The following DMXL2 variants were observed in gnomAD, a reference collection of about 807,000 sequenced individuals.
DMXL2 encodes the protein dmX-like protein 2.
DMXL2 carries 103 observed loss-of-function variants against 331.1 expected under a neutral mutation model. That is an observed-to-expected ratio of 0.31 (90% CI 0.27 to 0.37). DMXL2 has a LOEUF of 0.37. Ranked by LOEUF, DMXL2 falls within the 10% of genes least tolerant of loss-of-function variation. The probability of loss-of-function intolerance (pLI) is 1.00; values close to 1 mark genes in which losing one functional copy is unlikely to be tolerated. For synonymous variants in DMXL2, 1,281 were observed against 1,252.1 expected (o/e 1.02, Z -0.49); for missense variants, 3,171 against 3,642.9 (o/e 0.87, Z 3.33).
chr15:51,507,228 T>C lies in DMXL2; in HGVS notation c.2670A>G (p.Glu890=). The part of the protein sequence containing the change: ...SQGYRPPPFS[E]KFFLVVIEKD... Reference sequence around the variant, plus strand: ...TCTCAATTACTACTAGAAAGAACTTTTCTGAAAATGGTGGTGGGCGGTATC... The same window carrying C: ...TCTCAATTACTACTAGAAAGAACTTCTCTGAAAATGGTGGTGGGCGGTATC... The change falls in exon 16 of 44, where the codon GAA becomes GAG. Residue 890 remains glutamate, a synonymous_variant. Coordinates refer to ENST00000560891, the MANE Select transcript of DMXL2 (RefSeq NM_001378457.1). 6.2e-7 allele frequency: 1 copy of C among 1,611,096 alleles called. No individual in the cohort carries two copies. The highest frequency in any genetic ancestry group is 8.5e-7 in the Non-Finnish European group (1 of 1,178,542).
chr15:51,609,423 C>A (rs763259733), intron 1 of DMXL2, among the ~76,000 whole-genome samples: 5 of 152,206 alleles, frequency 3.3e-5, no homozygotes, highest in Non-Finnish European at 7.3e-5. Flanking sequence ...ACCCGGTCTA[C>A]AATGGACCAC....
intron 9 of DMXL2, among the ~76,000 whole-genome samples, chr15:51,539,153 T>C (rs2048449405): frequency 6.6e-6 from 1 of 150,606 alleles, no homozygotes; most frequent in African/African-American, 2.4e-5. Context: ...GAGGTTGCAA[T>C]GAGCTGAGAT....
chr15:51,471,271 T>C lies in DMXL2; in HGVS notation c.7344A>G (p.Glu2448=). ...TACTAAGTTCGGGAGGAATAAATTTTTCTTTGTAAGATGGTCTTTCTGCAG... is the reference window on the plus strand; with the variant it reads ...TACTAAGTTCGGGAGGAATAAATTTCTCTTTGTAAGATGGTCTTTCTGCAG... ...PVPAERPSYK[E]KFIPPELSMW... The change falls in exon 29 of 44, where the codon GAA becomes GAG. Residue 2448 remains glutamate (E), a synonymous_variant. Transcript: ENST00000560891. 1.2e-6 allele frequency: 2 copies of C among 1,614,100 alleles called. No homozygotes were observed. Among genetic ancestry groups the C allele is most frequent in the East Asian group, 2.2e-5 (1 of 44,876 alleles).
At chr15:51,569,926 T>A (rs2050548852) in intron 2 of DMXL2, among the ~76,000 whole-genome samples, 1 of 151,856 alleles carries the variant, frequency 6.6e-6, no homozygotes, top group Non-Finnish European at 1.5e-5. Context: ...GGAACAAAAC[T>A]GGATGGAGAA....
intron 31 of DMXL2, 103 bp downstream of exon 31, chr15:51,465,463 T>C (rs2040488649): frequency 1.2e-6 from 1 of 835,558 alleles, no homozygotes; most frequent in Admixed American, 2.4e-5. Flanking sequence ...TCTAATGCAC[T>C]ATTTTTTAAG....
At chr15:51,528,823 C>A (rs1458584669) in intron 13 of DMXL2, among the ~76,000 whole-genome samples, 1 of 152,148 alleles carries the variant, frequency 6.6e-6, no homozygotes, top group East Asian at 1.9e-4. Context: ...TTTTCCTCAG[C>A]ACATGGATCA....
At chr15:51,511,173 G>A (rs537316143) in intron 15 of DMXL2, among the ~76,000 whole-genome samples, 11 of 152,168 alleles carry the variant, frequency 7.2e-5, no homozygotes, top group South Asian at 2.1e-4. Context: ...CAATGGCAAC[G>A]AAAGCCAAAA....
intron 42 of DMXL2, among the ~76,000 whole-genome samples, chr15:51,451,164 ATGCTTGTAATC>A (rs1241997280): frequency 6.6e-6 from 1 of 152,200 alleles, no homozygotes; most frequent in Non-Finnish European, 1.5e-5. Flanking sequence ...GTGGTGGCTC[ATGCTTGTAATC>A]CCAGTACTTA....
chr15:51,488,008 A>G lies in DMXL2; in HGVS notation c.5163T>C (p.Phe1721=), dbSNP rs2042523939. The change falls in exon 22 of 44, where the codon TTT becomes TTC. Residue 1721 remains phenylalanine (F), a synonymous_variant. Coordinates refer to ENST00000560891, the MANE Select transcript of DMXL2 (RefSeq NM_001378457.1). ...NAFSLLGKQR[F]EQSAAFFLLA... is the part of the protein sequence containing the mutation. ...GCAAGAAAAAAGCAGCCGATTGTTC[A>G]AAGCGTTGTTTTCCAAGTAAGGAAA... 1 of 1,613,458 alleles carries G rather than the reference A, an allele frequency of 6.2e-7. No individual in the cohort carries two copies. Among genetic ancestry groups the G allele is most frequent in the African/African-American group, 1.3e-5 (1 of 75,006 alleles).
At chr15:51,482,303 ATGT>A (rs1178364193) in intron 23 of DMXL2, among the ~76,000 whole-genome samples, 12 of 152,168 alleles carry the variant, frequency 7.9e-5, no homozygotes, top group African/African-American at 2.9e-4. Context: ...GTTCAGAATC[ATGT>A]TATTATAAAA....
chr15:51,537,138 G>A (rs532842854), intron 11 of DMXL2, among the ~76,000 whole-genome samples: 1 of 152,132 alleles, frequency 6.6e-6, no homozygotes, highest in East Asian at 1.9e-4. Flanking sequence ...GATGACAAAG[G>A]CAGCTTCGTT....
At chr15:51,544,257 G>C (rs536405944) in intron 8 of DMXL2, among the ~76,000 whole-genome samples, 1 of 152,094 alleles carries the variant, frequency 6.6e-6, no homozygotes, top group Non-Finnish European at 1.5e-5. Context: ...CTTGGTGTTG[G>C]TATTGCCTTT....
chr15:51,521,745 G>C lies in DMXL2; in HGVS notation c.2437-4578C>G, dbSNP rs182087672. On this transcript the variant is annotated intron_variant, in intron 13 of 43. Transcript: ENST00000560891. The stretch of plus-strand genomic sequence containing the variant: ...ACATACTATATGTACATATTTATAT[G>C]ACTCTATAGATACAAGATCCTTGAA... Among the ~76,000 whole-genome samples the C allele has an allele frequency of 1.8e-3, 272 of 152,132 alleles. 2 individuals carry two copies. Among genetic ancestry groups the C allele is most frequent in the Non-Finnish European group, 1.8e-3 (123 of 67,980 alleles).
In DMXL2 at chr15:51,480,784, C is replaced by G. The variant is rs753792661; in HGVS notation, c.6322G>C (p.Asp2108His). 3 of 1,602,194 alleles carry G rather than the reference C, an allele frequency of 1.9e-6. No homozygotes were observed. The highest frequency in any genetic ancestry group is 2.6e-6 in the Non-Finnish European group (3 of 1,172,432). The part of the protein sequence containing the change: ...SSKTYSKVES[D>H]LLDQEEMVDK... ...ACCATTTCTTCCTGATCCAGCAGATCACTCTCTACTTTGGAATATGTCTTA... is the reference window on the plus strand; with the variant it reads ...ACCATTTCTTCCTGATCCAGCAGATGACTCTCTACTTTGGAATATGTCTTA... Residue 2108 changes from aspartate (D) to histidine (H), a missense_variant, in exon 24 of 44, where the codon GAT becomes CAT. Around this residue, in one of 7 missense-constraint regions of DMXL2, gnomAD observed 197 missense variants for 196.2 expected, o/e 1.00. Transcript: ENST00000560891.
chr15:51,505,826 CATA>C (rs1567042013), intron 16 of DMXL2, among the ~76,000 whole-genome samples: 2 of 152,140 alleles, frequency 1.3e-5, no homozygotes, highest in South Asian at 2.1e-4. Context: ...AATTACAAGA[CATA>C]ATAAAATCTT....
chr15:51,590,219 T>C (rs1216971107), intron 1 of DMXL2, among the ~76,000 whole-genome samples: 1 of 152,210 alleles, frequency 6.6e-6, no homozygotes, highest in Admixed American at 6.5e-5. Flanking sequence ...GGTCAGATTC[T>C]ACTTCCTAGA....
In DMXL2 at chr15:51,470,364, T is replaced by C. The variant is rs143351370; in HGVS notation, c.7392+859A>G. Among the ~76,000 whole-genome samples the C allele has an allele frequency of 2.0e-5, 3 of 152,204 alleles. No individual in the cohort carries two copies. The East Asian group carries it at 5.8e-4, about 29-fold the overall frequency. On this transcript the variant is annotated intron_variant, in intron 29 of 43. Coordinates refer to ENST00000560891, the MANE Select transcript of DMXL2 (RefSeq NM_001378457.1). Reference sequence around the variant, plus strand: ...CAGGCTGGTCTCAAACTCCTGGATGTAAGCAATCCTTCCACCTCAACCTCC... The same window carrying C: ...CAGGCTGGTCTCAAACTCCTGGATGCAAGCAATCCTTCCACCTCAACCTCC...
chr15:51,463,101 T>A (rs909451830), intron 33 of DMXL2: 14 of 222,216 alleles, frequency 6.3e-5, no homozygotes, highest in Non-Finnish European at 1.2e-4. Context: ...AAGCCATCCA[T>A]CACAATGTTT....
chr15:51,609,692 G>A (rs1003239236), intron 1 of DMXL2, among the ~76,000 whole-genome samples: 1 of 152,162 alleles, frequency 6.6e-6, no homozygotes, highest in African/African-American at 2.4e-5. Flanking sequence ...ACTTTGGGAG[G>A]CCAAGGAGGA....
Sources: gnomAD v4.1 joint callset for allele counts (sites outside exome capture counted in the v4.1 genomes callset) on GRCh38, gnomAD v4.1.1 for gene constraint, gnomAD v4.1.1 regional missense constraint, MANE v1.5 for transcripts, NCBI Gene and HGNC (gene_info 2026-07-23, HGNC 2026-07-21) for gene names.